Variants in ECPAS observed in about 807,000 individuals in gnomAD.
The protein encoded by ECPAS is proteasome adapter and scaffold protein ECM29.
ECPAS carries 70 observed loss-of-function variants against 255.1 expected under a neutral mutation model. The ratio of observed to expected loss-of-function variants is 0.27; its 90% CI spans 0.23 to 0.33. The LOEUF is 0.33. Among genes scored for constraint, ECPAS ranks in the 10% least tolerant of loss-of-function variants. ECPAS has a pLI of 1.00. For missense variants in ECPAS, 1,817 were observed against 2,206.4 expected, an observed-to-expected ratio of 0.82 and a Z score of 3.54; for synonymous variants, 784 against 775.0, an observed-to-expected ratio of 1.01 and a Z score of -0.19.
At chr9:111,440,014 T>C (rs549487525) in intron 6 of ECPAS, among the ~76,000 whole-genome samples, 9 of 151,354 alleles carry the variant, frequency 5.9e-5, no homozygotes, top group African/African-American at 1.5e-4. Flanking sequence ...ATAGCATTAA[T>C]AGTAAATTTA....
intron 35 of ECPAS, 39 bp from the exon 36 acceptor site, chr9:111,378,769 C>G (rs1407652157): frequency 6.4e-7 from 1 of 1,565,168 alleles, no homozygotes; most frequent in Non-Finnish European, 8.7e-7. Context: ...GTCCTTTTAA[C>G]AAAAGTGAGA....
chr9:111,435,986 C>T (rs2098237643), intron 7 of ECPAS, among the ~76,000 whole-genome samples: 1 of 150,694 alleles, frequency 6.6e-6, no homozygotes, highest in African/African-American at 2.4e-5. Flanking sequence ...CTGCGCCCGG[C>T]CTCTGTTAAT....
intron 8 of ECPAS, among the ~76,000 whole-genome samples, chr9:111,432,098 A>T (rs2098230882): frequency 6.6e-6 from 1 of 152,176 alleles, no homozygotes; most frequent in African/African-American, 2.4e-5. Flanking sequence ...CCATTATGGA[A>T]AACTGAATTT....
chr9:111,405,609 C>T (rs1164408194), intron 24 of ECPAS, among the ~76,000 whole-genome samples: 4 of 149,868 alleles, frequency 2.7e-5, no homozygotes, highest in Admixed American at 6.6e-5. Flanking sequence ...GAAGAGACAA[C>T]CTATGGCATA....
intron 8 of ECPAS, among the ~76,000 whole-genome samples, chr9:111,432,630 A>T (rs1206410815): frequency 6.6e-6 from 1 of 152,200 alleles, no homozygotes; most frequent in Non-Finnish European, 1.5e-5. Flanking sequence ...TAAATATATA[A>T]ATAAAAATAA....
chr9:111,386,051 C>A (rs1306941703), intron 32 of ECPAS, among the ~76,000 whole-genome samples: 2 of 152,220 alleles, frequency 1.3e-5, no homozygotes, highest in Non-Finnish European at 2.9e-5. Flanking sequence ...CCTCTGCCCC[C>A]TGGCTGGGTT....
chr9:111,364,060 C>T (rs1335727168), intron 48 of ECPAS, among the ~76,000 whole-genome samples: 2 of 152,114 alleles, frequency 1.3e-5, no homozygotes, highest in Non-Finnish European at 2.9e-5. Context: ...GTGTTTAAGC[C>T]GATCAGGGAC....
At chr9:111,381,827 ATCCAAGCTCACT>A (rs369286530) in intron 35 of ECPAS, among the ~76,000 whole-genome samples, 337 of 152,268 alleles carry the variant, frequency 2.2e-3, no homozygotes, top group African/African-American at 7.6e-3. Context: ...TTGAATCAGG[ATCCAAGCTCACT>A]CACACATTGC....
intron 10 of ECPAS, among the ~76,000 whole-genome samples, chr9:111,426,211 G>A (rs1293953781): frequency 6.6e-6 from 1 of 152,146 alleles, no homozygotes; most frequent in Non-Finnish European, 1.5e-5. Context: ...TGTCCCATTG[G>A]GGTAAAGGTG....
intron 1 of ECPAS, among the ~76,000 whole-genome samples, chr9:111,480,286 C>T (rs548593176): frequency 4.3e-4 from 57 of 133,428 alleles, no homozygotes; most frequent in African/African-American, 1.6e-3. Context: ...CTTAAAAGCA[C>T]CTTTTCTTTT....
At chr9:111,385,960 T>C (rs1180259483) in intron 32 of ECPAS, among the ~76,000 whole-genome samples, 2 of 152,226 alleles carry the variant, frequency 1.3e-5, no homozygotes, top group Non-Finnish European at 2.9e-5. Flanking sequence ...AGTTTTTTGT[T>C]TTGCTTTGTT....
intron 45 of ECPAS, among the ~76,000 whole-genome samples, chr9:111,369,915 G>A (rs1172725904): frequency 6.6e-6 from 1 of 152,154 alleles, no homozygotes; most frequent in Non-Finnish European, 1.5e-5. Context: ...ATTAGCCAAG[G>A]CAAAGCTTAT....
intron 32 of ECPAS, 64 bp from the exon 33 acceptor site, chr9:111,385,506 TATACTAAAAAAGA>T: frequency 1.1e-6 from 1 of 914,368 alleles, no homozygotes; most frequent in Non-Finnish European, 1.7e-6. Flanking sequence ...ATGAAACATT[TATACTAAAAAAGA>T]ATACAGATTC....
At chr9:111,390,292 A>T (rs1008608189) in intron 29 of ECPAS, among the ~76,000 whole-genome samples, 191 bp from the exon 30 acceptor site, 2 of 152,166 alleles carry the variant, frequency 1.3e-5, no homozygotes, top group Admixed American at 6.5e-5. Context: ...ACTATTAGCA[A>T]TTCCTAAGCC....
intron 6 of ECPAS, among the ~76,000 whole-genome samples, chr9:111,439,315 T>C (rs2098242558): frequency 6.6e-6 from 1 of 152,108 alleles, no homozygotes; most frequent in South Asian, 2.1e-4. Flanking sequence ...TGTCACCAGG[T>C]TGGAGTGCAG....
At chr9:111,434,585 C>CTTT (rs34507397) in intron 7 of ECPAS, among the ~76,000 whole-genome samples, 11 of 109,258 alleles carry the variant, frequency 1.0e-4, no homozygotes, top group African/African-American at 2.1e-4. Flanking sequence ...TTCCAGTTAA[C>CTTT]TTTTTTTTTT....
intron 1 of ECPAS, among the ~76,000 whole-genome samples, chr9:111,479,287 C>A (rs540808052): frequency 6.6e-6 from 1 of 152,234 alleles, no homozygotes; most frequent in East Asian, 1.9e-4. Context: ...GTACTTAATA[C>A]CACTGTACAC....
intron 20 of ECPAS, among the ~76,000 whole-genome samples, chr9:111,413,329 G>A (rs1010715375): frequency 7.9e-5 from 12 of 152,184 alleles, no homozygotes; most frequent in African/African-American, 2.7e-4. Flanking sequence ...TAAAGAAGAT[G>A]CTCTCTCCAT....
intron 17 of ECPAS, among the ~76,000 whole-genome samples, chr9:111,417,589 T>C (rs1032237656): frequency 1.3e-5 from 2 of 151,844 alleles, no homozygotes; most frequent in South Asian, 2.1e-4. Context: ...CTACTAAAAA[T>C]ACAAAAAATT....
Sources: gnomAD v4.1 joint callset for allele counts (sites outside exome capture counted in the v4.1 genomes callset) on GRCh38, gnomAD v4.1.1 for gene constraint, MANE v1.5 for transcripts, NCBI Gene and HGNC (gene_info 2026-07-23, HGNC 2026-07-21) for gene names.